PROS1: variants seen among roughly 807,000 people sequenced by gnomAD.
PROS1 encodes the protein protein S.
PROS1 carries 29 observed loss-of-function variants against 75.9 expected under a neutral mutation model. That is an observed-to-expected ratio of 0.38 (90% confidence interval 0.28 to 0.52). The LOEUF (loss-of-function observed/expected upper bound fraction) is 0.52. Ranked by LOEUF, PROS1 falls within the 20% of genes least tolerant of loss-of-function variation. PROS1 has a pLI of 0.83. For synonymous variants in PROS1, 245 were observed against 280.6 expected (o/e 0.87, Z 1.27); for missense variants, 680 against 810.3 (o/e 0.84, Z 1.95).
At chr3:93,956,185 T>C (rs940783692) in intron 1 of PROS1, among the ~76,000 whole-genome samples, 5 of 152,200 alleles carry the variant, frequency 3.3e-5, no homozygotes, top group Non-Finnish European at 7.3e-5. Flanking sequence ...GTATCTTTTA[T>C]TGGTATCTTT....
chr3:93,927,177 T>A (rs1206297211), intron 2 of PROS1, 73 bp downstream of exon 2: 2 of 1,572,632 alleles, frequency 1.3e-6, no homozygotes, highest in African/African-American at 2.7e-5. Context: ...CAGAAGGAAG[T>A]ACAGGCTGGA....
chr3:93,879,078 A>T, intron 13 of PROS1, 85 bp downstream of exon 13: 1 of 1,301,674 alleles, frequency 7.7e-7, no homozygotes, highest in Non-Finnish European at 1.1e-6. Context: ...TCTTCAAAAT[A>T]GTCCTTTGAG....
intron 1 of PROS1, among the ~76,000 whole-genome samples, chr3:93,932,395 C>T (rs1000070680): frequency 5.3e-5 from 8 of 152,196 alleles, no homozygotes; most frequent in African/African-American, 4.8e-5. Context: ...ATTTGTTTCA[C>T]TTCTTTATAT....
intron 10 of PROS1, among the ~76,000 whole-genome samples, chr3:93,888,377 A>T (rs1271371659): frequency 6.6e-6 from 1 of 152,190 alleles, no homozygotes; most frequent in Non-Finnish European, 1.5e-5. Context: ...CTACGTATAT[A>T]TTGAAATACA....
intron 1 of PROS1, among the ~76,000 whole-genome samples, chr3:93,943,004 G>A (rs1231270155): frequency 6.6e-6 from 1 of 152,152 alleles, no homozygotes; most frequent in Non-Finnish European, 1.5e-5. Flanking sequence ...CTCAGGGTCT[G>A]AGAAGTCCAC....
intron 1 of PROS1, among the ~76,000 whole-genome samples, chr3:93,927,840 A>C (rs1272651842): frequency 9.3e-6 from 1 of 107,724 alleles, no homozygotes; most frequent in Non-Finnish European, 1.9e-5. Flanking sequence ...CCATTTCTAC[A>C]AAAAACAAAC....
chr3:93,936,542 C>G (rs1709187017), intron 1 of PROS1, among the ~76,000 whole-genome samples: 1 of 152,128 alleles, frequency 6.6e-6, no homozygotes, highest in African/African-American at 2.4e-5. Flanking sequence ...TGTGCACACA[C>G]CAAAGAAAGG....
chr3:93,950,161 G>T (rs1016250170), intron 1 of PROS1, among the ~76,000 whole-genome samples: 1 of 152,194 alleles, frequency 6.6e-6, no homozygotes, highest in Non-Finnish European at 1.5e-5. Flanking sequence ...GCTGAGGCTT[G>T]AGTAGGTAAA....
chr3:93,972,973 C>T (rs1458301660), intron 1 of PROS1, among the ~76,000 whole-genome samples: 1 of 152,130 alleles, frequency 6.6e-6, no homozygotes, highest in Non-Finnish European at 1.5e-5. Flanking sequence ...AGAGAAAACT[C>T]AATATCCTGT....
At chr3:93,959,877 T>C (rs1315782857) in intron 1 of PROS1, among the ~76,000 whole-genome samples, 1 of 152,216 alleles carries the variant, frequency 6.6e-6, no homozygotes, top group Non-Finnish European at 1.5e-5. Flanking sequence ...TCTGCTACAT[T>C]AATAGCCAAC....
In PROS1 at chr3:93,900,803, C is replaced by T. The variant is rs1332591784; in HGVS notation, c.727+1G>A. On this transcript the variant is annotated splice_donor_variant, in intron 7 of 14. Transcript: ENST00000394236. LOFTEE classifies it high-confidence loss of function. ...CAGTAATGATACCACCATCATCCTA[C>T]CTTCACAAGACTTTGATTTGAGATT... The T allele has an allele frequency of 6.2e-7, 1 of 1,612,548 alleles. No individual in the cohort carries two copies. The highest frequency in any genetic ancestry group is 2.2e-5 in the East Asian group (1 of 44,874).
intron 1 of PROS1, among the ~76,000 whole-genome samples, chr3:93,970,381 G>A (rs958678643): frequency 1.3e-5 from 2 of 152,132 alleles, no homozygotes; most frequent in Non-Finnish European, 2.9e-5. Flanking sequence ...CTATCACCCA[G>A]GCTGGAGTGC....
chr3:93,900,308 T>G (rs1708571990), intron 7 of PROS1, among the ~76,000 whole-genome samples: 3 of 152,108 alleles, frequency 2.0e-5, no homozygotes, highest in African/African-American at 4.8e-5. Flanking sequence ...TTCTTTATCA[T>G]GAGATAATAG....
At chr3:93,959,689 C>G (rs1396541195) in intron 1 of PROS1, among the ~76,000 whole-genome samples, 1 of 152,190 alleles carries the variant, frequency 6.6e-6, no homozygotes, top group African/African-American at 2.4e-5. Context: ...TTAGTTAAGT[C>G]CCCAGGTAAA....
chr3:93,930,084 C>T (rs994725580), intron 1 of PROS1, among the ~76,000 whole-genome samples: 3 of 152,200 alleles, frequency 2.0e-5, no homozygotes, highest in Non-Finnish European at 4.4e-5. Context: ...ATTTCTCTGA[C>T]TTGCCAAAGC....
intron 1 of PROS1, 174 bp downstream of exon 1, chr3:93,973,500 A>C: frequency 4.5e-6 from 3 of 671,068 alleles, no homozygotes; most frequent in Non-Finnish European, 8.1e-6. Flanking sequence ...ATCCTGCCCC[A>C]CCATTGCACT....
intron 1 of PROS1, among the ~76,000 whole-genome samples, chr3:93,972,395 A>G (rs1709893324): frequency 6.6e-6 from 1 of 152,228 alleles, no homozygotes; most frequent in African/African-American, 2.4e-5. Context: ...TAACTAATAG[A>G]AACTAGTGGA....
chr3:93,952,546 A>G (rs2107245554), intron 1 of PROS1, among the ~76,000 whole-genome samples: 1 of 152,342 alleles, frequency 6.6e-6, no homozygotes, highest in South Asian at 2.1e-4. Context: ...CAAAGACACA[A>G]CGTACCAGAA....
In PROS1 at chr3:93,886,497, C is replaced by T; in HGVS notation, c.1162G>A (p.Val388Met). ...INNGLWNMVSVEELEHSISIK... is the reference protein window; with the variant it reads ...INNGLWNMVSMEELEHSISIK... ...CTAATACTATGTTCTAATTCTTCCA[C>T]AGACACCTACAATTAAAAAGAAAAA... Residue 388 changes from valine (V) to methionine (M), a missense_variant, in exon 11 of 15, where the codon GTG (valine) becomes ATG (methionine). Val to Met is a conservative substitution (Grantham distance 21, BLOSUM62 1). Coordinates refer to ENST00000394236, the MANE Select transcript of PROS1 (RefSeq NM_000313.4). The T allele has an allele frequency of 5.0e-6, 8 of 1,605,410 alleles. No individual in the cohort carries two copies. The highest frequency in any genetic ancestry group is 1.7e-5 in the Admixed American group (1 of 59,976).
Sources: allele counts gnomAD v4.1 joint callset (sites outside exome capture counted in the v4.1 genomes callset), GRCh38; gene constraint gnomAD v4.1.1; transcripts MANE v1.5; gene names NCBI Gene and HGNC (gene_info 2026-07-23, HGNC 2026-07-21).